The following IL1RN variants were observed in gnomAD, a reference collection of about 807,000 sequenced individuals.
IL1RN encodes the protein interleukin 1 receptor antagonist.
Under a neutral mutation model 13.7 loss-of-function variants are expected in IL1RN, and 10 were observed. That is an observed-to-expected ratio of 0.73 (90% confidence interval 0.45 to 1.24). IL1RN has a LOEUF of 1.24. IL1RN is among the 50% of genes most tolerant of loss of function. The pLI is 0.00. For missense variants in IL1RN, 213 were observed against 222.1 expected (o/e 0.96, Z 0.26); for synonymous variants, 102 against 82.7 (o/e 1.23, Z -1.27).
intron 2 of IL1RN, among the ~76,000 whole-genome samples, chr2:113,122,206 C>G (rs1266909352): frequency 6.6e-6 from 1 of 152,114 alleles, no homozygotes; most frequent in Non-Finnish European, 1.5e-5. Flanking sequence ...AAATGCAGTT[C>G]CAGGAGGCCC....
At chr2:113,129,847 A>G in intron 2 of IL1RN, 183 bp downstream of exon 2, 1 of 615,942 alleles carries the variant, frequency 1.6e-6, no homozygotes, top group Non-Finnish European at 3.0e-6. Flanking sequence ...GGGCAGCCTG[A>G]AGAGGGTGTG....
chr2:113,128,513 A>T (rs2104453619), intron 1 of IL1RN, among the ~76,000 whole-genome samples: 1 of 151,968 alleles, frequency 6.6e-6, no homozygotes, highest in South Asian at 2.1e-4. Flanking sequence ...TCCCTTCCAG[A>T]TATGGGGACT....
chr2:113,124,793 C>T (rs888418435), upstream of IL1RN, among the ~76,000 whole-genome samples: 10 of 152,130 alleles, frequency 6.6e-5, no homozygotes, highest in African/African-American at 2.4e-5. Flanking sequence ...CAGACCTAGA[C>T]TCCATAACTC....
upstream of IL1RN, chr2:113,127,496 G>A: frequency 8.3e-6 from 12 of 1,453,596 alleles, no homozygotes; most frequent in South Asian, 4.3e-5. Context: ...TTGGAAATGC[G>A]AGGAGGGTAT....
chr2:113,101,873 T>C, the IL1RN span, among the ~76,000 whole-genome samples: 2 of 152,168 alleles, frequency 1.3e-5, no homozygotes, highest in East Asian at 3.8e-4. Flanking sequence ...GTTCAAGTGA[T>C]TCTCCTGCCT....
upstream of IL1RN, among the ~76,000 whole-genome samples, chr2:113,110,520 T>C (rs1331361770): frequency 6.6e-6 from 1 of 152,192 alleles, no homozygotes; most frequent in Non-Finnish European, 1.5e-5. Flanking sequence ...ATTTCAATGC[T>C]GGCCAGCCTC....
the IL1RN span, among the ~76,000 whole-genome samples, chr2:113,100,553 C>T: frequency 6.6e-6 from 1 of 152,166 alleles, no homozygotes; most frequent in Non-Finnish European, 1.5e-5. Flanking sequence ...CTTGCAGGCA[C>T]AGTGCCATTG....
In IL1RN at chr2:113,118,455, AG is replaced by A. The variant is rs548281582; in HGVS notation, c.10+430del. Among the ~76,000 whole-genome samples the A allele has an allele frequency of 1.0e-3, 151 of 144,026 alleles. 1 individual carries two copies. The highest frequency in any genetic ancestry group is 1.9e-3 in the Admixed American group (26 of 14,006). 94.5% of individuals were successfully genotyped at this position (144,026 alleles called of 152,430 possible). A position where few individuals can be genotyped will look rare whatever the true frequency, so the allele number is the denominator to read the frequency against. ...AGGTCTGAGGGTTGATTGATAAGGAAGGGTGGGGACTGTGGAGAATTAAGGG... is the reference window on the plus strand; with the variant it reads ...AGGTCTGAGGGTTGATTGATAAGGAAGGTGGGGACTGTGGAGAATTAAGGG... On this transcript the variant is annotated intron_variant, in intron 1 of 5. Coordinates refer to the IL1RN transcript ENST00000259206.
Position 113,132,978 on chromosome 2 carries a change from T to A in IL1RN, c.*107T>A, listed in dbSNP as rs1207253014. 4 of 1,071,572 alleles carry A rather than the reference T, an allele frequency of 3.7e-6. No individual in the cohort carries two copies. Among genetic ancestry groups the A allele is most frequent in the Non-Finnish European group, 5.8e-6 (4 of 695,596 alleles). The allele number at this position is 1,071,572 out of a possible 1,614,324, so 66.4% of individuals were successfully genotyped here. ...CTATGGGGGCACTGAGGACCAGCCA[T>A]TGAGGGGTGGACCCTCAGAAGGCGT... On this transcript the variant is annotated 3_prime_UTR_variant, in exon 4 of 4. Transcript: ENST00000409930.
At chr2:113,121,179 G>A (rs1686772481) in intron 2 of IL1RN, among the ~76,000 whole-genome samples, 1 of 151,612 alleles carries the variant, frequency 6.6e-6, no homozygotes, top group Non-Finnish European at 1.5e-5. Flanking sequence ...CAAAGTGAAA[G>A]CAAGTTTATT....
upstream of IL1RN, among the ~76,000 whole-genome samples, chr2:113,115,841 C>T (rs950243267): frequency 6.6e-6 from 1 of 152,178 alleles, no homozygotes; most frequent in African/African-American, 2.4e-5. Context: ...CCCTCGATGT[C>T]CCCAGTGTTG....
At chr2:113,105,959 A>G (rs13382561), upstream of IL1RN, among the ~76,000 whole-genome samples, 53,053 of 152,184 alleles carry the variant, frequency 0.35, 9,604 homozygotes, top group Middle Eastern at 0.45. Flanking sequence ...GAGTTGGAAC[A>G]AGAGCCTATT....
chr2:113,100,342 G>T, the IL1RN span, among the ~76,000 whole-genome samples: 3 of 134,470 alleles, frequency 2.2e-5, no homozygotes, highest in Non-Finnish European at 5.0e-5. Flanking sequence ...AAAAAAAAAA[G>T]GCTGGAAAAC....
At chr2:113,125,281 A>G (rs1467717557), upstream of IL1RN, among the ~76,000 whole-genome samples, 3 of 152,266 alleles carry the variant, frequency 2.0e-5, no homozygotes, top group Non-Finnish European at 4.4e-5. Context: ...ACTCTGGAAG[A>G]GGCAAATAAG....
At chr2:113,105,132 C>T (rs1558857897), upstream of IL1RN, among the ~76,000 whole-genome samples, 1 of 152,074 alleles carries the variant, frequency 6.6e-6, no homozygotes, top group Non-Finnish European at 1.5e-5. Flanking sequence ...GAGTTTCTGG[C>T]TAGAAGCGCA....
At chr2:113,127,932 G>A (rs1476975032) in intron 1 of IL1RN, among the ~76,000 whole-genome samples, 192 bp downstream of exon 1, 1 of 152,256 alleles carries the variant, frequency 6.6e-6, no homozygotes, top group African/African-American at 2.4e-5. Context: ...TATCCCAGAT[G>A]TGGATAGTGC....
At chr2:113,121,018 CTCCTCTTCTTCTTCTTCTTCTTCT>C (rs1268972375) in intron 2 of IL1RN, among the ~76,000 whole-genome samples, 1 of 105,654 alleles carries the variant, frequency 9.5e-6, no homozygotes, top group African/African-American at 3.3e-5. Flanking sequence ...CCTCCTCCTT[CTCCTCTTCTTCTTCTTCTTCTTCT>C]TCCTCTTCTT....
At chr2:113,122,875 C>T (rs757812850), upstream of IL1RN, among the ~76,000 whole-genome samples, 2 of 152,170 alleles carry the variant, frequency 1.3e-5, no homozygotes, top group African/African-American at 4.8e-5. Context: ...CCTGTAATCC[C>T]AGCACTTTGG....
chr2:113,125,399 C>A (rs1004428207), upstream of IL1RN, among the ~76,000 whole-genome samples: 1 of 152,126 alleles, frequency 6.6e-6, no homozygotes, highest in African/African-American at 2.4e-5. Context: ...GTTTCTTGAA[C>A]GTGTTTCAAA....
Sources: gnomAD v4.1 joint callset for allele counts (sites outside exome capture counted in the v4.1 genomes callset) on GRCh38, gnomAD v4.1.1 for gene constraint, MANE v1.5 for transcripts, NCBI Gene and HGNC (gene_info 2026-07-23, HGNC 2026-07-21) for gene names.